NREP: variants seen among roughly 807,000 people sequenced by gnomAD.
NREP encodes neuronal regeneration-related protein.
Under a neutral mutation model 8.6 loss-of-function variants are expected in NREP, and 5 were observed. The observed-to-expected ratio is 0.58, with a 90% CI of 0.30 to 1.22. The LOEUF is 1.22. NREP is among the 50% of genes most tolerant of loss of function. NREP has a pLI of 0.07. For synonymous variants in NREP, 27 were observed against 28.0 expected (o/e 0.96, Z 0.11); for missense variants, 86 against 82.5 (o/e 1.04, Z -0.17).
intron 2 of NREP, among the ~76,000 whole-genome samples, chr5:111,831,592 T>G (rs1752769332): frequency 6.6e-6 from 1 of 152,122 alleles, no homozygotes; most frequent in African/African-American, 2.4e-5. Context: ...CACTCTTTCC[T>G]CCCACCGGTT....
chr5:111,944,242 C>G (rs1035989282), intron 2 of NREP, among the ~76,000 whole-genome samples: 2 of 152,012 alleles, frequency 1.3e-5, no homozygotes, highest in African/African-American at 2.4e-5. Context: ...TGTTAGGTTT[C>G]TTCCTACTTT....
At chr5:111,925,766 T>C (rs1451293313) in intron 2 of NREP, among the ~76,000 whole-genome samples, 2 of 152,194 alleles carry the variant, frequency 1.3e-5, no homozygotes, top group Non-Finnish European at 2.9e-5. Flanking sequence ...CCCCAGTTTT[T>C]CATAGGCCCT....
intron 2 of NREP, among the ~76,000 whole-genome samples, chr5:111,928,993 G>A (rs1755466424): frequency 1.3e-5 from 2 of 152,026 alleles, no homozygotes; most frequent in South Asian, 4.2e-4. Context: ...TTTTCCATCA[G>A]GATGCATATA....
intron 2 of NREP, among the ~76,000 whole-genome samples, chr5:111,847,365 T>A (rs1753206279): frequency 6.6e-6 from 1 of 152,170 alleles, no homozygotes; most frequent in African/African-American, 2.4e-5. Flanking sequence ...AATCCTACTA[T>A]GTGGGCTGTA....
intron 2 of NREP, among the ~76,000 whole-genome samples, chr5:111,895,156 A>G (rs1393017646): frequency 6.6e-6 from 1 of 152,236 alleles, no homozygotes; most frequent in East Asian, 1.9e-4. Context: ...TGTTTGTTAC[A>G]GAATGGTGTG....
At chr5:111,935,501 C>T (rs1755658309) in intron 2 of NREP, among the ~76,000 whole-genome samples, 1 of 152,130 alleles carries the variant, frequency 6.6e-6, no homozygotes, top group African/African-American at 2.4e-5. Context: ...CCTTTCTACA[C>T]TGTGGCACTT....
chr5:111,956,779 T>C (rs1380471989), intron 2 of NREP, among the ~76,000 whole-genome samples: 13 of 151,772 alleles, frequency 8.6e-5, no homozygotes, highest in Admixed American at 8.5e-4. Flanking sequence ...GCCTGGCCAA[T>C]GTGGCGAAAA....
In NREP at chr5:111,799,099, C is replaced by T. The variant is rs1366089837; in HGVS notation, c.136-63592G>A. 2.6e-5 allele frequency among the ~76,000 whole-genome samples: 4 copies of T among 152,168 alleles called. No homozygotes were observed. The East Asian group carries it at 5.8e-4, about 22-fold the overall frequency. ...TTGGTTGTATTTGGCTTTATTTCTGCGTTCTCTATTCTGTTCCATTGGTCT... is the reference window on the plus strand; with the variant it reads ...TTGGTTGTATTTGGCTTTATTTCTGTGTTCTCTATTCTGTTCCATTGGTCT... On this transcript the variant is annotated intron_variant, in intron 2 of 3. Transcript: ENST00000395634.
intron 2 of NREP, among the ~76,000 whole-genome samples, chr5:111,873,004 A>G (rs1561703228): frequency 2.6e-5 from 4 of 152,196 alleles, no homozygotes; most frequent in South Asian, 2.1e-4. Flanking sequence ...ATTGTTATGT[A>G]GGTCGCATCA....
At chr5:111,862,660 C>A (rs1053719508) in intron 2 of NREP, among the ~76,000 whole-genome samples, 1 of 151,990 alleles carries the variant, frequency 6.6e-6, no homozygotes, top group Non-Finnish European at 1.5e-5. Flanking sequence ...ACTTTTATCA[C>A]GTAACTCTTG....
intron 2 of NREP, among the ~76,000 whole-genome samples, chr5:111,809,977 G>C (rs1449471546): frequency 1.1e-4 from 17 of 151,662 alleles, no homozygotes; most frequent in Admixed American, 1.1e-3. Flanking sequence ...CTGTGAAGTA[G>C]CCTGGAGTGC....
chr5:111,833,871 G>A (rs2112939207), intron 2 of NREP, among the ~76,000 whole-genome samples: 1 of 152,284 alleles, frequency 6.6e-6, no homozygotes, highest in Non-Finnish European at 1.5e-5. Flanking sequence ...TTTGAGCAGA[G>A]GCACTGAATT....
chr5:111,961,169 A>G (rs1756470178), intron 2 of NREP, among the ~76,000 whole-genome samples: 1 of 152,194 alleles, frequency 6.6e-6, no homozygotes, highest in Non-Finnish European at 1.5e-5. Flanking sequence ...TTAGGCCAGA[A>G]CGAAGGTTCC....
At chr5:111,811,014 A>G (rs2112914053) in intron 2 of NREP, among the ~76,000 whole-genome samples, 1 of 152,356 alleles carries the variant, frequency 6.6e-6, no homozygotes, top group African/African-American at 2.4e-5. Flanking sequence ...AAGGAGCTTT[A>G]CATGAAGTAA....
chr5:111,803,573 T>C (rs1003987476), intron 2 of NREP, among the ~76,000 whole-genome samples: 1 of 152,196 alleles, frequency 6.6e-6, no homozygotes, highest in Non-Finnish European at 1.5e-5. Context: ...AGCTTATCTT[T>C]TATTGTTCAA....
intron 2 of NREP, among the ~76,000 whole-genome samples, chr5:111,898,779 C>A (rs74385365): frequency 6.6e-6 from 1 of 152,262 alleles, no homozygotes; most frequent in South Asian, 2.1e-4. Flanking sequence ...GAACTCTTCT[C>A]CAAGGCATAT....
chr5:111,960,019 A>T (rs1028996772), intron 2 of NREP, among the ~76,000 whole-genome samples: 1 of 152,164 alleles, frequency 6.6e-6, no homozygotes, highest in Non-Finnish European at 1.5e-5. Context: ...GCTTATTACT[A>T]GCCCAAATGA....
rs554172139 is a variant in NREP, at chr5:111,851,559, A to G, written c.136-116052T>C. On this transcript the variant is annotated intron_variant, in intron 2 of 3. Transcript: ENST00000395634. ...GTTGATGGACACTTAGGTTGATTCC[A>G]TATCTTGGCTTTTGTGACTATTACT... Among the ~76,000 whole-genome samples, 203 of 152,252 alleles carry G rather than the reference A, an allele frequency of 1.3e-3. 1 individual carries two copies. Among genetic ancestry groups the G allele is most frequent in the African/African-American group, 4.7e-3 (194 of 41,552 alleles).
chr5:111,746,220 G>T (rs369415606), intron 2 of NREP, among the ~76,000 whole-genome samples: 10 of 151,862 alleles, frequency 6.6e-5, no homozygotes, highest in Middle Eastern at 6.8e-3. Flanking sequence ...TAAAATTAAA[G>T]TTCAAAAAGT....
Sources: allele counts gnomAD v4.1 joint callset (sites outside exome capture counted in the v4.1 genomes callset), GRCh38; gene constraint gnomAD v4.1.1; transcripts MANE v1.5; gene names NCBI Gene and HGNC (gene_info 2026-07-23, HGNC 2026-07-21).